Variants in SMC1B observed in about 807,000 individuals in gnomAD.
SMC1B encodes structural maintenance of chromosomes 1B, also known as structural maintenance of chromosomes protein 1B.
SMC1B carries 60 observed loss-of-function variants against 157.9 expected under a neutral mutation model. That is an observed-to-expected ratio of 0.38 (90% CI 0.31 to 0.47). The LOEUF is 0.47. SMC1B is among the 20% of genes least tolerant of loss of function. The probability of loss-of-function intolerance (pLI) is 0.99; values close to 1 mark genes in which losing one functional copy is unlikely to be tolerated. For missense variants in SMC1B, 1,165 were observed against 1,426.2 expected, an observed-to-expected ratio of 0.82 and a Z score of 2.95; for synonymous variants, 445 against 483.0, an observed-to-expected ratio of 0.92 and a Z score of 1.03.
chr22:45,378,007 T>C (rs1394894940), intron 12 of SMC1B, among the ~76,000 whole-genome samples: 3 of 152,168 alleles, frequency 2.0e-5, no homozygotes, highest in East Asian at 3.9e-4. Context: ...CCTGGCTAAT[T>C]TTTTAATTTT....
At chr22:45,387,265 T>C (rs1490076809) in intron 10 of SMC1B, among the ~76,000 whole-genome samples, 1 of 152,036 alleles carries the variant, frequency 6.6e-6, no homozygotes, top group Non-Finnish European at 1.5e-5. Flanking sequence ...CTGGCCAACA[T>C]GGTGAAACCC....
intron 6 of SMC1B, among the ~76,000 whole-genome samples, chr22:45,397,760 T>C (rs1176318043): frequency 5.3e-5 from 8 of 152,138 alleles, no homozygotes; most frequent in African/African-American, 1.9e-4. Flanking sequence ...TCTGAGTCCA[T>C]AAAAGCCCCA....
At chr22:45,378,668 ACACTTAACCTTT>A (rs1203909096) in intron 12 of SMC1B, among the ~76,000 whole-genome samples, 2 of 152,084 alleles carry the variant, frequency 1.3e-5, no homozygotes, top group Non-Finnish European at 2.9e-5. Flanking sequence ...ACCAAACTAA[ACACTTAACCTTT>A]CCTTCTAAGA....
intron 15 of SMC1B, among the ~76,000 whole-genome samples, chr22:45,365,817 A>G (rs1361368978): frequency 6.6e-6 from 1 of 152,206 alleles, no homozygotes; most frequent in East Asian, 1.9e-4. Context: ...CCCTATAATT[A>G]TCTAGAAATT....
chr22:45,382,666 A>G (rs1021939718), intron 12 of SMC1B, among the ~76,000 whole-genome samples: 1 of 152,220 alleles, frequency 6.6e-6, no homozygotes, highest in Non-Finnish European at 1.5e-5. Flanking sequence ...AAATGTTTAC[A>G]ATACATATGA....
intron 19 of SMC1B, among the ~76,000 whole-genome samples, chr22:45,357,932 G>C (rs1211262668): frequency 6.6e-6 from 1 of 152,218 alleles, no homozygotes; most frequent in African/African-American, 2.4e-5. Flanking sequence ...CCAACCAGGT[G>C]ATTGGAGGGC....
At chr22:45,350,220 C>T (rs1188282100) in intron 22 of SMC1B, among the ~76,000 whole-genome samples, 3 of 151,056 alleles carry the variant, frequency 2.0e-5, no homozygotes, top group African/African-American at 4.8e-5. Flanking sequence ...GGCTCCCGCC[C>T]TCTTACCAAT....
intron 1 of SMC1B, 127 bp downstream of exon 1, chr22:45,413,332 C>T: frequency 1.0e-5 from 7 of 696,768 alleles, no homozygotes; most frequent in South Asian, 9.7e-5. Flanking sequence ...CGCGGTCAGG[C>T]TCCGGGACTG....
intron 9 of SMC1B, among the ~76,000 whole-genome samples, chr22:45,393,000 G>A (rs941424643): frequency 1.3e-5 from 2 of 152,026 alleles, no homozygotes; most frequent in East Asian, 1.9e-4. Context: ...TGCCCTGGCC[G>A]GTAGGTGTTT....
At chr22:45,396,262 A>G (rs2087122377) in intron 7 of SMC1B, 84 bp downstream of exon 7, 3 of 1,206,956 alleles carry the variant, frequency 2.5e-6, no homozygotes, top group Non-Finnish European at 3.5e-6. Context: ...AAGGTTAAGG[A>G]GATTCATTCT....
intron 22 of SMC1B, among the ~76,000 whole-genome samples, chr22:45,351,577 T>C (rs2086615574): frequency 6.6e-6 from 1 of 152,184 alleles, no homozygotes; most frequent in African/African-American, 2.4e-5. Context: ...GAGACAGAGT[T>C]TTGTTCTTTC....
chr22:45,395,271 A>G (rs1001129226), intron 7 of SMC1B, among the ~76,000 whole-genome samples: 11 of 152,208 alleles, frequency 7.2e-5, no homozygotes, highest in African/African-American at 2.2e-4. Context: ...CTGTAGGGCA[A>G]CTAATAGCCT....
At chr22:45,369,795 T>G (rs1489644781) in intron 15 of SMC1B, 159 bp downstream of exon 15, 2 of 475,488 alleles carry the variant, frequency 4.2e-6, no homozygotes, top group Non-Finnish European at 7.6e-6. Context: ...CCGCCTGCCT[T>G]GGCTTCCCAA....
chr22:45,352,306 A>G (rs1471117193), intron 22 of SMC1B, 145 bp downstream of exon 22: 3 of 701,180 alleles, frequency 4.3e-6, no homozygotes, highest in East Asian at 3.0e-5. Flanking sequence ...GGCCTAAAAC[A>G]TAATCTGAAT....
At chr22:45,393,032 A>G (rs2087080048) in intron 9 of SMC1B, among the ~76,000 whole-genome samples, 2 of 152,120 alleles carry the variant, frequency 1.3e-5, no homozygotes, top group African/African-American at 4.8e-5. Context: ...AGTGGTTACC[A>G]GTCTCAAATG....
chr22:45,370,113 T>G, intron 14 of SMC1B, 53 bp from the exon 15 acceptor site: 1 of 1,009,628 alleles, frequency 9.9e-7, no homozygotes, highest in Non-Finnish European at 1.4e-6. Flanking sequence ...AAGAAATATA[T>G]AATCTTAAAT....
intron 12 of SMC1B, among the ~76,000 whole-genome samples, chr22:45,380,842 C>G (rs1217425846): frequency 2.0e-5 from 3 of 152,150 alleles, no homozygotes; most frequent in Non-Finnish European, 2.9e-5. Context: ...AGAAGGATCC[C>G]TTGAACCCAG....
At chr22:45,378,667 A>G (rs1448184272) in intron 12 of SMC1B, among the ~76,000 whole-genome samples, 1 of 152,118 alleles carries the variant, frequency 6.6e-6, no homozygotes, top group Non-Finnish European at 1.5e-5. Flanking sequence ...AACCAAACTA[A>G]ACACTTAACC....
intron 1 of SMC1B, among the ~76,000 whole-genome samples, chr22:45,409,492 G>A (rs745571440): frequency 6.6e-6 from 1 of 151,994 alleles, no homozygotes; most frequent in Non-Finnish European, 1.5e-5. Context: ...TTGAACCTAG[G>A]AGGCGGTGGT....
Sources: allele counts gnomAD v4.1 joint callset (sites outside exome capture counted in the v4.1 genomes callset), GRCh38; gene constraint gnomAD v4.1.1; transcripts MANE v1.5; gene names NCBI Gene and HGNC (gene_info 2026-07-23, HGNC 2026-07-21).